The following AIFM1 variants were observed in gnomAD, a reference collection of about 807,000 sequenced individuals.
The protein encoded by AIFM1 is apoptosis inducing factor mitochondria associated 1.
Under a neutral mutation model 51.7 loss-of-function variants are expected in AIFM1, and 3 were observed. The ratio of observed to expected loss-of-function variants is 0.06; its 90% CI spans 0.03 to 0.15. The LOEUF is 0.15. Ranked by LOEUF, AIFM1 falls within the 10% of genes least tolerant of loss-of-function variation. The pLI, the probability that AIFM1 is intolerant of heterozygous loss-of-function variation, is 1.00. For synonymous variants in AIFM1, 178 were observed against 179.4 expected, an observed-to-expected ratio of 0.99 and a Z score of 0.06; for missense variants, 330 against 476.8, an observed-to-expected ratio of 0.69 and a Z score of 2.87.
chrX:130,161,764 C>T (rs1009698033), intron 1 of AIFM1, among the ~76,000 whole-genome samples: 9 of 109,496 alleles, frequency 8.2e-5, no homozygotes, highest in Admixed American at 2.0e-4. Context: ...TGTGCCACCA[C>T]GCTTGGCTAA....
At chrX:130,133,924 G>A (rs144932229) in intron 12 of AIFM1, among the ~76,000 whole-genome samples, 1,186 of 110,006 alleles carry the variant, frequency 0.011, 15 homozygotes, top group African/African-American at 0.037. Context: ...GAGTCACCAC[G>A]CCTGGCCTGA....
intron 12 of AIFM1, 123 bp from the exon 13 acceptor site, chrX:130,133,578 T>C: frequency 2.2e-6 from 2 of 920,180 alleles, no homozygotes; most frequent in Admixed American, 5.0e-5. Flanking sequence ...GTTTTCCATC[T>C]ACAGGCCAGA....
chrX:130,155,807 A>G (rs2031143502), intron 2 of AIFM1, among the ~76,000 whole-genome samples: 1 of 111,882 alleles, frequency 8.9e-6, no homozygotes, highest in Admixed American at 9.5e-5. Context: ...AGTTAGGAAA[A>G]AAACACCCAC....
At chrX:130,148,003 A>C in intron 3 of AIFM1, 127 bp from the exon 4 acceptor site, 2 of 844,480 alleles carry the variant, frequency 2.4e-6, no homozygotes, top group Non-Finnish European at 3.5e-6. Flanking sequence ...CATATGACCT[A>C]CGCTAATCTT....
chrX:130,155,342 T>G (rs1357080539), intron 2 of AIFM1: 1 of 1,174,242 alleles, frequency 8.5e-7, no homozygotes, highest in Non-Finnish European at 1.2e-6. Context: ...TACTAAGTAT[T>G]AATGAAGAAA....
chrX:130,133,893 A>G (rs1187863136), intron 12 of AIFM1, among the ~76,000 whole-genome samples: 1 of 109,710 alleles, frequency 9.1e-6, no homozygotes, highest in Non-Finnish European at 1.9e-5. Context: ...CAGCCTTCCA[A>G]AGTGCTGGGA....
chrX:130,146,245 T>C lies in AIFM1; in HGVS notation c.606-676A>G, dbSNP rs1013187749. On this transcript the variant is annotated intron_variant, in intron 5 of 15. Coordinates refer to ENST00000287295, the MANE Select transcript of AIFM1 (RefSeq NM_004208.4). ...TTGAGGCCAGGAGTTTGAGACCAGA[T>C]TGGGCAACATAGCAACATCTCGTCT... Among the ~76,000 whole-genome samples the C allele has an allele frequency of 5.4e-5, 6 of 110,655 alleles. No homozygotes were observed. The East Asian group carries it at 1.1e-3, about 21-fold the overall frequency.
intron 12 of AIFM1, among the ~76,000 whole-genome samples, chrX:130,134,776 C>G (rs767834576): frequency 8.1e-5 from 9 of 111,655 alleles, no homozygotes; most frequent in South Asian, 7.4e-4. Flanking sequence ...TTAGACTCCC[C>G]CAAAGCAACC....
chrX:130,138,298 T>C (rs1195769467), intron 9 of AIFM1, among the ~76,000 whole-genome samples: 3 of 110,095 alleles, frequency 2.7e-5, no homozygotes, highest in East Asian at 5.7e-4. Context: ...ACCCCATCTC[T>C]ACTAAAAATA....
chrX:130,132,233 A>T (rs1569415970), intron 13 of AIFM1, among the ~76,000 whole-genome samples: 1 of 112,257 alleles, frequency 8.9e-6, no homozygotes, highest in Non-Finnish European at 1.9e-5. Flanking sequence ...ATGCCAACTG[A>T]TCTGCTGTTG....
intron 6 of AIFM1, among the ~76,000 whole-genome samples, chrX:130,142,844 C>T (rs1178589836): frequency 9.0e-6 from 1 of 111,131 alleles, no homozygotes; most frequent in African/African-American, 3.3e-5. Flanking sequence ...TGTGTTTTCA[C>T]CATGTTGGCC....
At chrX:130,165,352 A>C (rs2031494288) in intron 1 of AIFM1, among the ~76,000 whole-genome samples, 199 bp downstream of exon 1, 1 of 111,888 alleles carries the variant, frequency 8.9e-6, no homozygotes, top group South Asian at 3.7e-4. Flanking sequence ...CTGGGTTCAA[A>C]TCTCTTGAAG....
At chrX:130,165,442 CTA>C (rs1831824532) in intron 1 of AIFM1, 107 bp downstream of exon 1, 6 of 656,138 alleles carry the variant, frequency 9.1e-6, no homozygotes, top group Non-Finnish European at 4.9e-6. Flanking sequence ...ATTCACGTGA[CTA>C]TGTGTTAAGT....
Position 130,145,583 on chromosome X carries a change from A to C in AIFM1, c.606-14T>G, listed in dbSNP as rs187719053. 3.6e-6 allele frequency: 4 copies of C among 1,126,073 alleles called. No homozygotes were observed. In the African/African-American group the frequency reaches 5.4e-5, roughly 15 times the overall value. The allele number at this position is 1,126,073 out of a possible 1,213,427, so 92.8% of individuals were successfully genotyped here. A position where few individuals can be genotyped will look rare whatever the true frequency, so the allele number is the denominator to read the frequency against. ...TGGAAATATATGCTGTATGGAGAAG[A>C]GAGGGAGAATATTATAAGCATGTGG... On this transcript the variant is annotated splice_polypyrimidine_tract_variant and intron_variant, in intron 5 of 15. Coordinates refer to ENST00000287295, the MANE Select transcript of AIFM1 (RefSeq NM_004208.4).
In AIFM1 at chrX:130,140,628, C is replaced by A; in HGVS notation, c.697-11G>T. On this transcript the variant is annotated splice_polypyrimidine_tract_variant and intron_variant, in intron 6 of 15. Transcript: ENST00000287295. Reference sequence around the variant, plus strand: ...ATCCAGCTGTACTACCTGGTACAGTCACACACATACACAAAAGAGGTAGAG... The same window carrying A: ...ATCCAGCTGTACTACCTGGTACAGTAACACACATACACAAAAGAGGTAGAG... 8 of 1,143,699 alleles carry A rather than the reference C, an allele frequency of 7.0e-6. No homozygotes were observed. The highest frequency in any genetic ancestry group is 9.6e-6 in the Non-Finnish European group (8 of 836,609). The allele number at this position is 1,143,699 out of a possible 1,213,427, so 94.3% of individuals were successfully genotyped here. A position where few individuals can be genotyped will look rare whatever the true frequency, so the allele number is the denominator to read the frequency against.
chrX:130,142,555 C>A (rs181517118), intron 6 of AIFM1, among the ~76,000 whole-genome samples: 1 of 111,879 alleles, frequency 8.9e-6, no homozygotes, highest in Admixed American at 9.5e-5. Context: ...GTCCTCTTCA[C>A]GCTTTTATCC....
In AIFM1 at chrX:130,145,446, G is replaced by C. The variant is rs370121585; in HGVS notation, c.696+33C>G. The C allele has an allele frequency of 7.3e-6, 8 of 1,095,873 alleles. No homozygotes were observed. The African/African-American group carries it at 1.1e-4, about 15-fold the overall frequency. 90.3% of individuals were successfully genotyped at this position (1,095,873 alleles called of 1,213,427 possible). ...ATACTGGCTGGTGGGCAAGTACGTA[G>C]AGCCTGACAAAAGAAGCGGTCTACT... On this transcript the variant is annotated intron_variant, in intron 6 of 15. Transcript: ENST00000287295.
chrX:130,147,547 T>C lies in AIFM1; in HGVS notation c.551A>G (p.Asp184Gly), dbSNP rs1275533429. The C allele has an allele frequency of 2.5e-6, 3 of 1,210,571 alleles. No homozygotes were observed. In the Admixed American group the frequency reaches 6.6e-5, roughly 26 times the overall value. The change falls in exon 5 of 16, where the codon GAC (aspartate) becomes GGC (glycine). Residue 184 changes from aspartate (D) to glycine (G), a missense_variant. This residue lies in a region of AIFM1 where 152 missense variants were observed against 292.8 expected (regional missense o/e 0.52). Transcript: ENST00000287295. ...TCGCAGTGTCTTTGTGACATTTGGGTCATCTGAAAACCACAGTTCTTTTGA... is the reference window on the plus strand; with the variant it reads ...TCGCAGTGTCTTTGTGACATTTGGGCCATCTGAAAACCACAGTTCTTTTGA... ...PLSKELWFSD[D>G]PNVTKTLRFK... is the part of the protein sequence containing the mutation.
intron 2 of AIFM1, among the ~76,000 whole-genome samples, chrX:130,153,884 C>T (rs1203277386): frequency 8.9e-6 from 1 of 111,852 alleles, no homozygotes; most frequent in South Asian, 3.7e-4. Context: ...CCACTCAGTC[C>T]GTGGTGTTTT....
Sources: allele counts gnomAD v4.1 joint callset (sites outside exome capture counted in the v4.1 genomes callset), GRCh38; gene constraint gnomAD v4.1.1; regional missense constraint gnomAD v4.1.1; transcripts MANE v1.5; gene names NCBI Gene and HGNC (gene_info 2026-07-23, HGNC 2026-07-21).